Variants in RANBP2 observed in about 807,000 individuals in gnomAD.
RANBP2 encodes RAN binding protein 2.
RANBP2 carries 57 observed loss-of-function variants against 303.6 expected under a neutral mutation model. The ratio of observed to expected loss-of-function variants is 0.19; its 90% CI spans 0.15 to 0.23. RANBP2 has a LOEUF of 0.23. Among genes scored for constraint, RANBP2 ranks in the 10% least tolerant of loss-of-function variants. The pLI is 1.00. For synonymous variants in RANBP2, 1,167 were observed against 1,301.5 expected (o/e 0.90, Z 2.23); for missense variants, 3,138 against 3,780.8 (o/e 0.83, Z 4.46).
rs376623705 is a variant in RANBP2, at chr2:108,781,756, C to T, written c.8760+327C>T. ...TAAAGTCCTTTCAATAAATGTTAACCTTGTATGTTTTTTGGACAAGAACAT... is the reference window on the plus strand; with the variant it reads ...TAAAGTCCTTTCAATAAATGTTAACTTTGTATGTTTTTTGGACAAGAACAT... On this transcript the variant is annotated intron_variant, in intron 26 of 28. Coordinates refer to ENST00000283195, the MANE Select transcript of RANBP2 (RefSeq NM_006267.5). Among the ~76,000 whole-genome samples the T allele has an allele frequency of 1.4e-4, 21 of 152,114 alleles. No homozygotes were observed. The East Asian group carries it at 1.9e-3, about 14-fold the overall frequency.
the RANBP2 span, among the ~76,000 whole-genome samples, chr2:109,117,621 C>T: frequency 3.2e-3 from 491 of 152,330 alleles, 2 homozygotes; most frequent in African/African-American, 0.011. Context: ...CTTCAGCTCG[C>T]GCACGGTGCG....
chr2:109,121,249 T>TAAAACAAAACAAAAC, the RANBP2 span, among the ~76,000 whole-genome samples: 33 of 148,738 alleles, frequency 2.2e-4, no homozygotes, highest in African/African-American at 6.5e-4. Context: ...TCCATCTCTC[T>TAAAACAAAACAAAAC]AAAACAAAAC....
chr2:108,735,994 A>G (rs542815496), intron 5 of RANBP2, 110 bp from the exon 6 acceptor site: 13 of 1,605,064 alleles, frequency 8.1e-6, no homozygotes, highest in South Asian at 2.2e-5. Context: ...AAAAATCAAT[A>G]TAGTTTCACA....
the RANBP2 span, among the ~76,000 whole-genome samples, chr2:109,357,866 A>G: frequency 1.3e-5 from 2 of 152,216 alleles, no homozygotes; most frequent in Non-Finnish European, 2.9e-5. Context: ...TGCATTGTCA[A>G]CATCACTCAC....
At chr2:109,037,265 A>G in the RANBP2 span, among the ~76,000 whole-genome samples, 2 of 149,970 alleles carry the variant, frequency 1.3e-5, no homozygotes, top group Admixed American at 6.7e-5. Flanking sequence ...TCAGGGCTGC[A>G]GTGAACCATA....
the RANBP2 span, among the ~76,000 whole-genome samples, chr2:109,422,042 C>CT: frequency 2.0e-5 from 3 of 152,216 alleles, no homozygotes; most frequent in Non-Finnish European, 4.4e-5. Context: ...CTCTTTAACT[C>CT]TAAGAAGCTA....
At chr2:109,623,556 C>A in the RANBP2 span, among the ~76,000 whole-genome samples, 1 of 152,150 alleles carries the variant, frequency 6.6e-6, no homozygotes, top group African/African-American at 2.4e-5. Flanking sequence ...CCAGAGTGAC[C>A]CCGATGGATG....
At chr2:109,573,286 G>A in the RANBP2 span, among the ~76,000 whole-genome samples, 3 of 152,162 alleles carry the variant, frequency 2.0e-5, no homozygotes, top group Admixed American at 6.5e-5. Flanking sequence ...ATTTAGAGCC[G>A]TCCTCCACTG....
chr2:109,643,576 G>A, the RANBP2 span, among the ~76,000 whole-genome samples: 5 of 151,760 alleles, frequency 3.3e-5, no homozygotes, highest in Non-Finnish European at 5.9e-5. Context: ...CCTGGCCAAC[G>A]TGGTGAAACC....
At chr2:109,175,745 A>G in the RANBP2 span, among the ~76,000 whole-genome samples, 47 of 152,346 alleles carry the variant, frequency 3.1e-4, no homozygotes, top group African/African-American at 1.1e-3. Flanking sequence ...AGTAACTTTG[A>G]ACAGTGTAAT....
At chr2:109,615,388 T>G in the RANBP2 span, 2 of 1,613,038 alleles carry the variant, frequency 1.2e-6, no homozygotes, top group Non-Finnish European at 1.7e-6. Flanking sequence ...CGGGACTTCA[T>G]TACCGGCTTC....
At chr2:109,353,252 C>A in the RANBP2 span, among the ~76,000 whole-genome samples, 104 of 152,344 alleles carry the variant, frequency 6.8e-4, 1 homozygote, top group South Asian at 0.02. Flanking sequence ...GGTGGGTTCT[C>A]CCTGCAGCCG....
At chr2:109,022,005 G>C in the RANBP2 span, among the ~76,000 whole-genome samples, 1,040 of 152,278 alleles carry the variant, frequency 6.8e-3, 28 homozygotes, top group East Asian at 0.077. Context: ...AGGCCCTTTG[G>C]CCTGCACAGA....
Position 108,782,708 on chromosome 2 carries a change from C to A in RANBP2, c.9215C>A (p.Ala3072Glu). Residue 3072 changes from alanine to glutamate, a missense_variant, in exon 28 of 29, where the codon GCG becomes GAG. Coordinates refer to ENST00000283195, the MANE Select transcript of RANBP2 (RefSeq NM_006267.5). The part of the protein sequence containing the change: ...TNPVVFFDVC[A>E]DGEPLGRITM... ...CCTGTGGTGTTTTTTGATGTTTGTGCGGACGGTGAACCTCTAGGGCGGATA... is the reference window on the plus strand; with the variant it reads ...CCTGTGGTGTTTTTTGATGTTTGTGAGGACGGTGAACCTCTAGGGCGGATA... 6.2e-7 allele frequency: 1 copy of A among 1,614,140 alleles called. No individual in the cohort carries two copies. The highest frequency in any genetic ancestry group is 8.5e-7 in the Non-Finnish European group (1 of 1,180,014).
chr2:109,401,794 C>T, the RANBP2 span, among the ~76,000 whole-genome samples: 1 of 152,188 alleles, frequency 6.6e-6, no homozygotes, highest in African/African-American at 2.4e-5. Flanking sequence ...TTAAAACAAG[C>T]AGAGGGAACC....
the RANBP2 span, among the ~76,000 whole-genome samples, chr2:108,903,138 T>C: frequency 5.3e-3 from 811 of 152,256 alleles, 10 homozygotes; most frequent in African/African-American, 0.016. Context: ...AAATTGTCGT[T>C]TACAGTGGCT....
In RANBP2 at chr2:108,763,267, C is replaced by T. The variant is rs761788359; in HGVS notation, c.2728C>T (p.Pro910Ser). ...GPVYGMNRLP[P>S]QQHIYAYPQQ... ...AGTCTATGGCATGAATAGGCTTCCA[C>T]CCCAACAGCATATTTATGCCTATCC... The change falls in exon 20 of 29, where the codon CCC becomes TCC. Residue 910 changes from proline (P) to serine (S), a missense_variant. Physicochemically the swap from Pro to Ser is moderately conservative, Grantham distance 74. This residue lies in a region of RANBP2 where 403 missense variants were observed against 376.7 expected (regional missense o/e 1.07). Coordinates refer to ENST00000283195, the MANE Select transcript of RANBP2 (RefSeq NM_006267.5). The T allele has an allele frequency of 1.2e-6, 2 of 1,613,786 alleles. No homozygotes were observed. Among genetic ancestry groups the T allele is most frequent in the Admixed American group, 3.3e-5 (2 of 60,002 alleles).
chr2:108,741,832 T>TA (rs1241546125), intron 7 of RANBP2, among the ~76,000 whole-genome samples: 4 of 135,436 alleles, frequency 3.0e-5, no homozygotes, highest in Non-Finnish European at 6.2e-5. Flanking sequence ...TTTTTTTTTT[T>TA]AATGAGCTTG....
chr2:109,438,073 T>G, the RANBP2 span, among the ~76,000 whole-genome samples: 1 of 152,230 alleles, frequency 6.6e-6, no homozygotes, highest in Non-Finnish European at 1.5e-5. Context: ...AAATATACTA[T>G]TTCTTAGACT....
Sources: gnomAD v4.1 joint callset for allele counts (sites outside exome capture counted in the v4.1 genomes callset) on GRCh38, gnomAD v4.1.1 for gene constraint, gnomAD v4.1.1 regional missense constraint, MANE v1.5 for transcripts, NCBI Gene and HGNC (gene_info 2026-07-23, HGNC 2026-07-21) for gene names.